Variants in RSBN1L observed in about 807,000 individuals in gnomAD.
RSBN1L encodes lysine-specific demethylase RSBN1L.
Under a neutral mutation model 67.7 loss-of-function variants are expected in RSBN1L, and 30 were observed. The observed-to-expected ratio is 0.44, with a 90% CI of 0.33 to 0.60. The LOEUF is 0.60. Among genes scored for constraint, RSBN1L ranks in the 20% least tolerant of loss-of-function variants. The pLI, the probability that RSBN1L is intolerant of heterozygous loss-of-function variation, is 0.02. For synonymous variants in RSBN1L, 433 were observed against 387.0 expected, an observed-to-expected ratio of 1.12 and a Z score of -1.39; for missense variants, 992 against 1,031.7, an observed-to-expected ratio of 0.96 and a Z score of 0.53.
chr7:77,751,684 A>G (rs1289351208), intron 3 of RSBN1L, among the ~76,000 whole-genome samples: 2 of 152,332 alleles, frequency 1.3e-5, no homozygotes, highest in Middle Eastern at 3.4e-3. Flanking sequence ...GCCAAGGACT[A>G]GTTGTTCTGA....
At chr7:77,745,042 A>G (rs1791462466) in intron 2 of RSBN1L, among the ~76,000 whole-genome samples, 1 of 152,100 alleles carries the variant, frequency 6.6e-6, no homozygotes, top group African/African-American at 2.4e-5. Context: ...CGGGTGGATC[A>G]CTGGAGGTCA....
At chr7:77,775,168 G>T (rs1310482742) in intron 6 of RSBN1L, among the ~76,000 whole-genome samples, 1 of 152,148 alleles carries the variant, frequency 6.6e-6, no homozygotes, top group Non-Finnish European at 1.5e-5. Flanking sequence ...CCCAGGCTGG[G>T]AGCTCAAAGT....
chr7:77,751,866 G>T (rs1424432194), intron 3 of RSBN1L, among the ~76,000 whole-genome samples: 1 of 152,054 alleles, frequency 6.6e-6, no homozygotes, highest in Non-Finnish European at 1.5e-5. Context: ...GGGCCTCTTG[G>T]CTCCCATTCC....
intron 1 of RSBN1L, among the ~76,000 whole-genome samples, chr7:77,721,137 T>C (rs1791114201): frequency 6.6e-6 from 1 of 152,142 alleles, no homozygotes; most frequent in Admixed American, 6.6e-5. Context: ...GAGGAGAACT[T>C]TCTGTTTCTT....
intron 6 of RSBN1L, among the ~76,000 whole-genome samples, chr7:77,775,732 T>C (rs1299025509): frequency 6.6e-6 from 1 of 152,180 alleles, no homozygotes; most frequent in Non-Finnish European, 1.5e-5. Flanking sequence ...ATGGACCATC[T>C]TGATGAATTT....
chr7:77,738,951 A>G (rs1340856849), intron 2 of RSBN1L, among the ~76,000 whole-genome samples: 1 of 152,146 alleles, frequency 6.6e-6, no homozygotes, highest in Non-Finnish European at 1.5e-5. Context: ...AAAAACAAAA[A>G]ACAAAAAACA....
chr7:77,730,351 C>T (rs1403133215), intron 1 of RSBN1L, among the ~76,000 whole-genome samples: 2 of 152,190 alleles, frequency 1.3e-5, no homozygotes, highest in East Asian at 1.9e-4. Context: ...TTATTAACAT[C>T]CCCTATCAGA....
Position 77,782,830 on chromosome 7 carries a change from G to A in RSBN1L, c.*3662G>A, listed in dbSNP as rs1792016890. On this transcript the variant is annotated 3_prime_UTR_variant, in exon 8 of 8. Transcript: ENST00000334955. The stretch of plus-strand genomic sequence containing the variant: ...TCCCAAATACTTATGGCAGATAAGA[G>A]CATTTTTGTAAATAATAAACTAGCA... The A allele has an allele frequency of 6.6e-6, 1 of 152,112 alleles. No individual in the cohort carries two copies. The highest frequency in any genetic ancestry group is 2.4e-5 in the African/African-American group (1 of 41,410). 9.4% of individuals were successfully genotyped at this position (152,112 alleles called of 1,614,324 possible).
chr7:77,709,871 A>G (rs994471976), intron 1 of RSBN1L, among the ~76,000 whole-genome samples: 4 of 152,166 alleles, frequency 2.6e-5, no homozygotes, highest in African/African-American at 7.2e-5. Context: ...GACATTTAAT[A>G]TGTCCTTAGA....
At chr7:77,711,792 T>G (rs1428056463) in intron 1 of RSBN1L, among the ~76,000 whole-genome samples, 1 of 152,234 alleles carries the variant, frequency 6.6e-6, no homozygotes, top group African/African-American at 2.4e-5. Flanking sequence ...AGTGTAAATT[T>G]TTAGTAAAAT....
intron 3 of RSBN1L, among the ~76,000 whole-genome samples, chr7:77,751,502 A>G (rs1453776120): frequency 6.6e-6 from 1 of 152,210 alleles, no homozygotes; most frequent in Non-Finnish European, 1.5e-5. Context: ...AGAATTGAAA[A>G]TTAAATATTT....
chr7:77,722,962 TC>T (rs1425969735), intron 1 of RSBN1L, among the ~76,000 whole-genome samples: 1 of 134,116 alleles, frequency 7.5e-6, no homozygotes, highest in Non-Finnish European at 1.5e-5. Context: ...CATTTCTTTC[TC>T]TCTTCTTTTT....
chr7:77,757,574 G>GA (rs1372827932), intron 3 of RSBN1L, among the ~76,000 whole-genome samples: 1 of 152,204 alleles, frequency 6.6e-6, no homozygotes, highest in African/African-American at 2.4e-5. Flanking sequence ...TTAGTGACTT[G>GA]AAAAAAGGTT....
At chr7:77,738,635 A>G (rs1791367056) in intron 2 of RSBN1L, among the ~76,000 whole-genome samples, 1 of 152,166 alleles carries the variant, frequency 6.6e-6, no homozygotes, top group South Asian at 2.1e-4. Context: ...TGTATGAGAG[A>G]TTAACTTTGT....
Position 77,749,853 on chromosome 7 carries a change from A to G in RSBN1L, c.1133A>G (p.Glu378Gly), listed in dbSNP as rs867216815. ...TCCCACCTGTCTCCTATGGAGATGG[A>G]GAGGTTTGCAGAAGAGTTTGTGGGT... is the stretch of plus-strand genomic sequence containing the variant. ...ELSHLSPMEM[E>G]RFAEEFVGLV... The change falls in exon 3 of 8, where the codon GAG becomes GGG. Residue 378 changes from glutamate to glycine, a missense_variant. Transcript: ENST00000334955. 6.2e-7 allele frequency: 1 copy of G among 1,614,176 alleles called. No homozygotes were observed. The highest frequency in any genetic ancestry group is 1.1e-5 in the South Asian group (1 of 91,078).
At position 77,696,902 on chromosome 7, in the gene RSBN1L, CCCGCCG is replaced by C. The variant is rs746380313; in HGVS notation, c.444_449del (p.Ala150_Ala151del). ...CGCTCAGCCTCACCATCTCCTCCTG[CCCGCCG>C]CCGCCGCCGCTGCCTCGGCTAACGC... On this transcript the variant is annotated inframe_deletion, in exon 1 of 8. Transcript: ENST00000334955. 7.5e-6 allele frequency: 12 copies of C among 1,604,004 alleles called. No individual in the cohort carries two copies. The South Asian group carries it at 9.9e-5, about 13-fold the overall frequency.
intron 3 of RSBN1L, among the ~76,000 whole-genome samples, chr7:77,763,693 A>G (rs1056033708): frequency 6.6e-6 from 1 of 152,146 alleles, no homozygotes; most frequent in African/African-American, 2.4e-5. Flanking sequence ...AGCTGTTCTT[A>G]TATTTGTTTG....
At chr7:77,773,763 G>A (rs556221124) in intron 6 of RSBN1L, among the ~76,000 whole-genome samples, 94 of 152,070 alleles carry the variant, frequency 6.2e-4, no homozygotes, top group African/African-American at 2.2e-3. Flanking sequence ...ACTCCATCTC[G>A]AACAAAAACA....
At chr7:77,719,447 T>C (rs928405873) in intron 1 of RSBN1L, among the ~76,000 whole-genome samples, 1 of 152,240 alleles carries the variant, frequency 6.6e-6, no homozygotes. Context: ...TAATAAATAA[T>C]GTAATTGTAT....
Sources: allele counts gnomAD v4.1 joint callset (sites outside exome capture counted in the v4.1 genomes callset), GRCh38; gene constraint gnomAD v4.1.1; transcripts MANE v1.5; gene names NCBI Gene and HGNC (gene_info 2026-07-23, HGNC 2026-07-21).